Variants in SLC22A15 observed in about 807,000 individuals in gnomAD.
SLC22A15 encodes the protein solute carrier family 22 member 15.
SLC22A15 carries 45 observed loss-of-function variants against 62.7 expected under a neutral mutation model. The ratio of observed to expected loss-of-function variants is 0.72; its 90% confidence interval spans 0.56 to 0.92. SLC22A15 has a LOEUF of 0.92. Ranked by LOEUF, SLC22A15 falls within the 40% of genes least tolerant of loss-of-function variation. SLC22A15 has a pLI of 0.00. For synonymous variants in SLC22A15, 264 were observed against 267.0 expected, an observed-to-expected ratio of 0.99 and a Z score of 0.11; for missense variants, 622 against 665.6, an observed-to-expected ratio of 0.93 and a Z score of 0.72.
In SLC22A15 at chr1:116,010,116, G is replaced by A. The variant is rs550512711; in HGVS notation, c.301-9466G>A. Among the ~76,000 whole-genome samples, 20 of 152,268 alleles carry A rather than the reference G, an allele frequency of 1.3e-4. No individual in the cohort carries two copies. In the South Asian group the frequency reaches 4.1e-3, roughly 32 times the overall value. On this transcript the variant is annotated intron_variant, in intron 2 of 11. Transcript: ENST00000369503. ...ATTCTAAAATGAGCTAATAGCTATT[G>A]GAGCGAATTTATGTAGCAAATTGCT...
chr1:116,007,521 CA>C (rs1656042002), intron 2 of SLC22A15, among the ~76,000 whole-genome samples: 1 of 152,172 alleles, frequency 6.6e-6, no homozygotes, highest in Admixed American at 6.5e-5. Context: ...TCAGCTGTGA[CA>C]AGATCATTCC....
intron 2 of SLC22A15, among the ~76,000 whole-genome samples, chr1:116,005,671 C>A (rs997619763): frequency 6.6e-6 from 1 of 151,926 alleles, no homozygotes; most frequent in Non-Finnish European, 1.5e-5. Flanking sequence ...GTACTGATAC[C>A]ACCACTCCTA....
intron 8 of SLC22A15, among the ~76,000 whole-genome samples, chr1:116,056,913 G>T (rs1658225079): frequency 6.6e-6 from 1 of 151,968 alleles, no homozygotes; most frequent in Non-Finnish European, 1.5e-5. Context: ...ATTCAAGATG[G>T]ATTAAAGACT....
At chr1:116,064,042 A>G (rs1363444846) in intron 9 of SLC22A15, among the ~76,000 whole-genome samples, 1 of 152,220 alleles carries the variant, frequency 6.6e-6, no homozygotes, top group Non-Finnish European at 1.5e-5. Context: ...ATGAAAATCC[A>G]TGAGAACTTT....
At chr1:116,024,482 A>T (rs1656996107) in intron 4 of SLC22A15, among the ~76,000 whole-genome samples, 1 of 152,256 alleles carries the variant, frequency 6.6e-6, no homozygotes, top group Non-Finnish European at 1.5e-5. Flanking sequence ...AAAGGCATAT[A>T]CATGGTTATA....
At position 116,067,162 on chromosome 1, in the gene SLC22A15, A is replaced by G; in HGVS notation, c.*54A>G. The G allele has an allele frequency of 1.4e-6, 2 of 1,394,798 alleles. No individual in the cohort carries two copies. Among genetic ancestry groups the G allele is most frequent in the Non-Finnish European group, 1.0e-6 (1 of 996,130 alleles). 86.4% of individuals were successfully genotyped at this position (1,394,798 alleles called of 1,614,324 possible). ...AGGATCGTCTTTTATGCCTCTGGCT[A>G]AGGCAGGTTCTTCCATGACTCCTAA... On this transcript the variant is annotated 3_prime_UTR_variant, in exon 12 of 12. Coordinates refer to ENST00000369503, the MANE Select transcript of SLC22A15 (RefSeq NM_018420.3).
chr1:116,066,549 T>G lies in SLC22A15; in HGVS notation c.1395T>G (p.Ile465Met). 6.2e-7 allele frequency: 1 copy of G among 1,606,218 alleles called. No homozygotes were observed. Among genetic ancestry groups the G allele is most frequent in the Non-Finnish European group, 8.5e-7 (1 of 1,176,282 alleles). The change falls in exon 11 of 12, where the codon ATT (isoleucine) becomes ATG (methionine). Residue 465 changes from isoleucine to methionine, a missense_variant. Ile to Met is a conservative substitution (Grantham distance 10, BLOSUM62 1). Transcript: ENST00000369503. ...ATGTGCAATGGTCTTTACCATTCAT[T>G]GTCTTCGGAGCCACGGGTCTGACCT... The part of the protein sequence containing the change: ...LKYVQWSLPF[I>M]VFGATGLTSG...
At chr1:116,061,158 G>T (rs1484933231) in intron 8 of SLC22A15, among the ~76,000 whole-genome samples, 1 of 152,198 alleles carries the variant, frequency 6.6e-6, no homozygotes, top group Admixed American at 6.5e-5. Context: ...TGAGGAACAC[G>T]AATACAAGGA....
chr1:115,997,739 C>G (rs1244036043), intron 2 of SLC22A15, among the ~76,000 whole-genome samples: 3 of 151,874 alleles, frequency 2.0e-5, no homozygotes, highest in African/African-American at 7.3e-5. Flanking sequence ...CATCTGCAAA[C>G]AAGGGTAATT....
intron 2 of SLC22A15, among the ~76,000 whole-genome samples, chr1:116,010,176 C>T (rs1370442209): frequency 6.6e-6 from 1 of 152,172 alleles, no homozygotes; most frequent in Non-Finnish European, 1.5e-5. Context: ...TGAGCTCTGA[C>T]TCATTCAGAA....
intron 7 of SLC22A15, among the ~76,000 whole-genome samples, chr1:116,035,629 G>A (rs565877518): frequency 3.1e-4 from 47 of 152,254 alleles, no homozygotes; most frequent in African/African-American, 9.9e-4. Flanking sequence ...TATGTAATTT[G>A]TTAGTCTCCA....
At chr1:116,041,053 G>A (rs1426969346) in intron 8 of SLC22A15, among the ~76,000 whole-genome samples, 1 of 152,242 alleles carries the variant, frequency 6.6e-6, no homozygotes, top group Non-Finnish European at 1.5e-5. Context: ...GGTTATCAGA[G>A]TGGCATTGGG....
At chr1:116,002,915 T>C (rs1405836137) in intron 2 of SLC22A15, among the ~76,000 whole-genome samples, 1 of 151,920 alleles carries the variant, frequency 6.6e-6, no homozygotes, top group Admixed American at 6.6e-5. Flanking sequence ...CGAAGGAGTC[T>C]CTCCCCATGG....
In SLC22A15 at chr1:116,010,757, TC is replaced by T. The variant is rs1359999672; in HGVS notation, c.301-8824del. On this transcript the variant is annotated intron_variant, in intron 2 of 11. Coordinates refer to ENST00000369503, the MANE Select transcript of SLC22A15 (RefSeq NM_018420.3). ...GCGACTCTCTGATTGCGTAGAGCCC[TC>T]ATGGATGTGCTGCAGGGATCCTAGG... is the stretch of plus-strand genomic sequence containing the variant. 5.3e-5 allele frequency among the ~76,000 whole-genome samples: 8 copies of T among 152,214 alleles called. No individual in the cohort carries two copies. In the East Asian group the frequency reaches 1.5e-3, roughly 29 times the overall value.
intron 5 of SLC22A15, 72 bp downstream of exon 5, chr1:116,027,094 G>T: frequency 6.9e-7 from 1 of 1,441,910 alleles, no homozygotes; most frequent in South Asian, 1.2e-5. Flanking sequence ...GTGGGTCAAT[G>T]AGCAGCATTA....
At chr1:116,013,728 A>G (rs1032375882) in intron 2 of SLC22A15, 1 of 152,230 alleles carries the variant, frequency 6.6e-6, no homozygotes, top group Admixed American at 6.5e-5. Flanking sequence ...TTAAGGTTTT[A>G]TGATTTTAAG....
At chr1:116,045,924 A>G (rs925378500) in intron 8 of SLC22A15, among the ~76,000 whole-genome samples, 1 of 152,042 alleles carries the variant, frequency 6.6e-6, no homozygotes, top group Non-Finnish European at 1.5e-5. Flanking sequence ...TATTTTACTC[A>G]GTCATAATAT....
chr1:116,035,540 A>G (rs1406617740), intron 7 of SLC22A15, among the ~76,000 whole-genome samples: 1 of 152,224 alleles, frequency 6.6e-6, no homozygotes, highest in East Asian at 1.9e-4. Context: ...GAGTTTTTAT[A>G]TAGATTTCAA....
chr1:115,982,140 G>A (rs1208027493), intron 1 of SLC22A15, among the ~76,000 whole-genome samples: 2 of 152,206 alleles, frequency 1.3e-5, no homozygotes, highest in African/African-American at 4.8e-5. Flanking sequence ...ATTAGAGGTT[G>A]CCTTAGAAGA....
Sources: allele counts gnomAD v4.1 joint callset (sites outside exome capture counted in the v4.1 genomes callset), GRCh38; gene constraint gnomAD v4.1.1; transcripts MANE v1.5; gene names NCBI Gene and HGNC (gene_info 2026-07-23, HGNC 2026-07-21).